Variants in MYRIP observed in about 807,000 individuals in gnomAD.
The protein encoded by MYRIP is myosin VIIA and Rab interacting protein, also known as rab effector MyRIP.
MYRIP carries 49 observed loss-of-function variants against 98.0 expected under a neutral mutation model. The observed-to-expected ratio is 0.50, with a 90% confidence interval of 0.40 to 0.63. The LOEUF (loss-of-function observed/expected upper bound fraction) is 0.63, where lower values mean the gene tolerates loss of function less well. Among genes scored for constraint, MYRIP ranks in the 30% least tolerant of loss-of-function variants. The probability of loss-of-function intolerance (pLI) is 0.00; values close to 1 mark genes in which losing one functional copy is unlikely to be tolerated. For missense variants in MYRIP, 1,004 were observed against 1,058.2 expected (o/e 0.95, Z 0.71); for synonymous variants, 404 against 409.5 (o/e 0.99, Z 0.16).
chr3:40,042,513 A>C (rs1947561666), intron 2 of MYRIP, among the ~76,000 whole-genome samples: 1 of 152,142 alleles, frequency 6.6e-6, no homozygotes, highest in Non-Finnish European at 1.5e-5. Flanking sequence ...GGGAGAATAT[A>C]TTTGCCACAT....
At chr3:39,846,502 A>G (rs1941971093) in intron 1 of MYRIP, among the ~76,000 whole-genome samples, 1 of 152,074 alleles carries the variant, frequency 6.6e-6, no homozygotes, top group Admixed American at 6.6e-5. Flanking sequence ...TCTCCCAAGT[A>G]GATGCTGTTT....
chr3:39,930,972 T>C (rs914144363), intron 2 of MYRIP, among the ~76,000 whole-genome samples: 2 of 152,150 alleles, frequency 1.3e-5, no homozygotes, highest in Non-Finnish European at 2.9e-5. Flanking sequence ...GCTTAGTTTT[T>C]ATTTTTTAAG....
chr3:39,888,512 T>G (rs1235399792), intron 1 of MYRIP, among the ~76,000 whole-genome samples: 1 of 152,122 alleles, frequency 6.6e-6, no homozygotes, highest in Non-Finnish European at 1.5e-5. Flanking sequence ...TCCTTATACC[T>G]TATACCAAAA....
intron 3 of MYRIP, among the ~76,000 whole-genome samples, chr3:40,137,197 G>A (rs1275004362): frequency 6.6e-6 from 1 of 152,044 alleles, no homozygotes; most frequent in Non-Finnish European, 1.5e-5. Context: ...AATGACAAAG[G>A]GGATATCAAC....
At chr3:40,119,464 G>A (rs1191288185) in intron 3 of MYRIP, among the ~76,000 whole-genome samples, 2 of 152,226 alleles carry the variant, frequency 1.3e-5, no homozygotes, top group Admixed American at 6.5e-5. Context: ...TTTCTTATGT[G>A]TGTATAAGTG....
At chr3:40,024,996 G>T (rs1947089343) in intron 2 of MYRIP, among the ~76,000 whole-genome samples, 1 of 152,208 alleles carries the variant, frequency 6.6e-6, no homozygotes, top group Admixed American at 6.5e-5. Context: ...ATTTCAGGAT[G>T]CTGCTGATAT....
chr3:39,975,487 G>A (rs1049878229), intron 2 of MYRIP, among the ~76,000 whole-genome samples: 1 of 151,870 alleles, frequency 6.6e-6, no homozygotes, highest in Non-Finnish European at 1.5e-5. Flanking sequence ...GTAATTTACA[G>A]ATTCAATGCC....
At chr3:40,231,072 G>A (rs761587505) in intron 11 of MYRIP, among the ~76,000 whole-genome samples, 5 of 152,120 alleles carry the variant, frequency 3.3e-5, no homozygotes, top group Non-Finnish European at 5.9e-5. Context: ...TGATCCACCC[G>A]CCTTGGCCTC....
intron 3 of MYRIP, among the ~76,000 whole-genome samples, chr3:40,139,057 G>A (rs1949840659): frequency 6.6e-6 from 1 of 152,092 alleles, no homozygotes; most frequent in Non-Finnish European, 1.5e-5. Flanking sequence ...CCACATATGA[G>A]TGAGAACATG....
intron 1 of MYRIP, among the ~76,000 whole-genome samples, chr3:39,886,275 A>C (rs1239067942): frequency 1.3e-5 from 2 of 152,078 alleles, no homozygotes; most frequent in African/African-American, 4.8e-5. Flanking sequence ...AAGAAACTGC[A>C]TCAACTAACG....
intron 1 of MYRIP, among the ~76,000 whole-genome samples, chr3:39,830,842 T>C (rs1034117665): frequency 6.6e-6 from 1 of 152,130 alleles, no homozygotes; most frequent in Admixed American, 6.6e-5. Flanking sequence ...GAAAAAAAAC[T>C]GCTAAAAAAG....
rs750942686 is a variant in MYRIP at position 40,166,840 on chromosome 3, G to T, written c.551-6G>T. 1 of 1,592,302 alleles carries T rather than the reference G, an allele frequency of 6.3e-7. No homozygotes were observed. ...AGAAATGCTCTTTGTTCTGTTTCCT[G>T]TCTAGGACATAGTGTGATGGACACC... On this transcript the variant is annotated splice_polypyrimidine_tract_variant and splice_region_variant and intron_variant, in intron 5 of 16. Transcript: ENST00000302541.
At chr3:40,130,276 A>T (rs1002023119) in intron 3 of MYRIP, among the ~76,000 whole-genome samples, 4 of 152,228 alleles carry the variant, frequency 2.6e-5, no homozygotes, top group Non-Finnish European at 4.4e-5. Flanking sequence ...TTTCCTCAGT[A>T]AAATAATGAT....
At chr3:40,189,652 T>C (rs1951144478) in intron 9 of MYRIP, among the ~76,000 whole-genome samples, 174 bp from the exon 10 acceptor site, 1 of 152,230 alleles carries the variant, frequency 6.6e-6, no homozygotes, top group Non-Finnish European at 1.5e-5. Context: ...AAGAGATTCC[T>C]TGGGGAACTT....
rs547699675 is a variant in MYRIP, at chr3:39,878,220, G to A, written c.-30-22567G>A. Among the ~76,000 whole-genome samples, 51 of 152,326 alleles carry A rather than the reference G, an allele frequency of 3.3e-4. 1 individual carries two copies. In the South Asian group the frequency reaches 0.011, roughly 32 times the overall value. The stretch of plus-strand genomic sequence containing the variant: ...GGAGAAGCGCAGTATTAGGGTGGGA[G>A]TGACCCGATTTTCCAGGTGCTGTCT... On this transcript the variant is annotated intron_variant, in intron 1 of 16. Transcript: ENST00000302541.
intron 11 of MYRIP, among the ~76,000 whole-genome samples, chr3:40,211,537 C>T (rs1380148684): frequency 6.6e-6 from 1 of 152,182 alleles, no homozygotes; most frequent in Non-Finnish European, 1.5e-5. Context: ...CCACGAGGAG[C>T]CCCTCACTGG....
chr3:40,085,203 G>A (rs1011589687), intron 3 of MYRIP, among the ~76,000 whole-genome samples: 2 of 150,694 alleles, frequency 1.3e-5, no homozygotes, highest in Non-Finnish European at 3.0e-5. Flanking sequence ...TATATCCACA[G>A]ATAATATGTG....
chr3:40,235,221 A>G (rs1013829891), intron 12 of MYRIP, among the ~76,000 whole-genome samples: 1 of 152,158 alleles, frequency 6.6e-6, no homozygotes, highest in Non-Finnish European at 1.5e-5. Context: ...CCGCTCCCCA[A>G]TTCCTATGCT....
At chr3:40,129,195 G>T (rs1949583951) in intron 3 of MYRIP, among the ~76,000 whole-genome samples, 1 of 151,536 alleles carries the variant, frequency 6.6e-6, no homozygotes, top group Non-Finnish European at 1.5e-5. Context: ...CCAGCACTTT[G>T]GGAGGCTGAG....
Sources: gnomAD v4.1 joint callset for allele counts (sites outside exome capture counted in the v4.1 genomes callset) on GRCh38, gnomAD v4.1.1 for gene constraint, MANE v1.5 for transcripts, NCBI Gene and HGNC (gene_info 2026-07-23, HGNC 2026-07-21) for gene names.